The following SNTG1 variants were observed in gnomAD, a reference collection of about 807,000 sequenced individuals.
The protein encoded by SNTG1 is gamma-1-syntrophin.
In SNTG1, 39 loss-of-function variants were observed where a neutral mutation model predicts 74.7. That is an observed-to-expected ratio of 0.52 (90% CI 0.40 to 0.68). SNTG1 has a LOEUF of 0.68. SNTG1 is among the 30% of genes least tolerant of loss of function. The pLI is 0.00. For synonymous variants in SNTG1, 254 were observed against 217.1 expected (o/e 1.17, Z -1.49); for missense variants, 685 against 609.5 (o/e 1.12, Z -1.30).
In SNTG1 at chr8:50,054,453, G is replaced by C. The variant is rs544666834; in HGVS notation, c.-102-118108G>C. Among the ~76,000 whole-genome samples the C allele has an allele frequency of 7.2e-5, 11 of 151,956 alleles. No individual in the cohort carries two copies. The East Asian group carries it at 1.9e-3, about 27-fold the overall frequency. On this transcript the variant is annotated intron_variant, in intron 1 of 18. Coordinates refer to ENST00000642720, the MANE Select transcript of SNTG1 (RefSeq NM_018967.5). The stretch of plus-strand genomic sequence containing the variant: ...ATTACTTATCTCCTTATCTGTTACT[G>C]CTATCCTTGGCCAAGGTATCATCTT...
At chr8:50,161,565 A>T (rs1225613271) in intron 1 of SNTG1, among the ~76,000 whole-genome samples, 8 of 152,162 alleles carry the variant, frequency 5.3e-5, no homozygotes, top group African/African-American at 1.7e-4. Flanking sequence ...AGAGGACCTG[A>T]TAGTGTGTGG....
rs575450214 is a variant in SNTG1, at chr8:50,122,554, T to G, written c.-102-50007T>G. 2.1e-5 allele frequency among the ~76,000 whole-genome samples: 3 copies of G among 142,008 alleles called. 1 individual carries two copies. The South Asian group carries it at 8.0e-4, about 38-fold the overall frequency. 93.2% of individuals were successfully genotyped at this position (142,008 alleles called of 152,430 possible). On this transcript the variant is annotated intron_variant, in intron 1 of 18. Transcript: ENST00000642720. ...TTGAGGAGGAGGATGACATTGAGGC[T>G]CGTAGCTCATATTTTAGAAAGAGCA...
intron 2 of SNTG1, among the ~76,000 whole-genome samples, chr8:50,352,660 G>A (rs2091699093): frequency 6.6e-6 from 1 of 152,114 alleles, no homozygotes; most frequent in Non-Finnish European, 1.5e-5. Flanking sequence ...CAAAGTGCCA[G>A]GATTACAGGT....
intron 4 of SNTG1, among the ~76,000 whole-genome samples, chr8:50,427,721 C>A (rs1361433497): frequency 6.6e-6 from 1 of 152,156 alleles, no homozygotes; most frequent in Non-Finnish European, 1.5e-5. Context: ...GTCACTGCAC[C>A]CAGCCTCAAA....
intron 11 of SNTG1, 82 bp downstream of exon 11, chr8:50,536,890 C>T (rs542586078): frequency 5.1e-5 from 75 of 1,479,562 alleles, no homozygotes; most frequent in Middle Eastern, 1.8e-4. Flanking sequence ...TATCACAATA[C>T]GCCTTATGAT....
intron 9 of SNTG1, among the ~76,000 whole-genome samples, chr8:50,503,275 T>C (rs1471672194): frequency 6.6e-6 from 1 of 152,170 alleles, no homozygotes; most frequent in Non-Finnish European, 1.5e-5. Flanking sequence ...AAAAAAAGCG[T>C]TTGCCTTTGA....
At chr8:50,126,668 C>A (rs181838239) in intron 1 of SNTG1, among the ~76,000 whole-genome samples, 1 of 151,688 alleles carries the variant, frequency 6.6e-6, no homozygotes, top group Admixed American at 6.6e-5. Context: ...TAACACAGAT[C>A]CCAATGTTGG....
chr8:50,652,942 T>G (rs1563697072), intron 13 of SNTG1, among the ~76,000 whole-genome samples: 1 of 152,012 alleles, frequency 6.6e-6, no homozygotes, highest in African/African-American at 2.4e-5. Context: ...AGAAATAATG[T>G]TTGCCTTAGA....
At chr8:50,450,660 G>A (rs201603423) in intron 7 of SNTG1, 28 bp from the exon 8 acceptor site, 95 of 1,613,276 alleles carry the variant, frequency 5.9e-5, no homozygotes, top group Non-Finnish European at 7.5e-5. Flanking sequence ...ATATGCCATG[G>A]GAAACTATGC....
chr8:50,330,304 T>C (rs1048749524), intron 2 of SNTG1, among the ~76,000 whole-genome samples: 1 of 152,142 alleles, frequency 6.6e-6, no homozygotes, highest in African/African-American at 2.4e-5. Context: ...TGATTATACA[T>C]TTTCTGAGGC....
At chr8:50,380,376 A>G (rs1380777190) in intron 2 of SNTG1, among the ~76,000 whole-genome samples, 1 of 152,182 alleles carries the variant, frequency 6.6e-6, no homozygotes, top group Non-Finnish European at 1.5e-5. Flanking sequence ...ACTGGGTTTC[A>G]GTTTGGGACA....
chr8:50,608,776 A>G (rs1208081077), intron 13 of SNTG1, among the ~76,000 whole-genome samples: 2 of 151,714 alleles, frequency 1.3e-5, no homozygotes, highest in South Asian at 2.1e-4. Flanking sequence ...TGTCTTTTTA[A>G]TTTTCTATTT....
chr8:50,356,840 G>A (rs2091829474), intron 2 of SNTG1, among the ~76,000 whole-genome samples: 1 of 152,128 alleles, frequency 6.6e-6, no homozygotes, highest in African/African-American at 2.4e-5. Context: ...TCTTCATAAT[G>A]TAGAAATAAC....
intron 13 of SNTG1, among the ~76,000 whole-genome samples, chr8:50,645,505 A>G (rs2095103089): frequency 6.6e-6 from 1 of 151,964 alleles, no homozygotes; most frequent in South Asian, 2.1e-4. Context: ...TTGTATTCTT[A>G]TCTCCTTGTG....
At chr8:49,993,227 G>T (rs529422855) in intron 1 of SNTG1, among the ~76,000 whole-genome samples, 2 of 152,112 alleles carry the variant, frequency 1.3e-5, no homozygotes, top group African/African-American at 4.8e-5. Flanking sequence ...AGCCCAGAGT[G>T]AGGTCAGGGC....
intron 15 of SNTG1, among the ~76,000 whole-genome samples, chr8:50,685,606 T>TA (rs955278046): frequency 4.5e-4 from 69 of 152,182 alleles, no homozygotes; most frequent in Non-Finnish European, 2.8e-4. Flanking sequence ...ATAATTTCCA[T>TA]AAAAACATTT....
At chr8:50,596,018 T>G (rs2094724946) in intron 13 of SNTG1, among the ~76,000 whole-genome samples, 1 of 152,028 alleles carries the variant, frequency 6.6e-6, no homozygotes, top group African/African-American at 2.4e-5. Flanking sequence ...ATATTATGGT[T>G]GTGTATTTTG....
intron 2 of SNTG1, among the ~76,000 whole-genome samples, chr8:50,326,923 T>A (rs760359404): frequency 5.3e-5 from 8 of 152,148 alleles, no homozygotes; most frequent in Non-Finnish European, 4.4e-5. Flanking sequence ...ATATTTTTAA[T>A]ATCTTTTGAT....
At chr8:50,679,503 C>T (rs943408621) in intron 15 of SNTG1, among the ~76,000 whole-genome samples, 1 of 152,134 alleles carries the variant, frequency 6.6e-6, no homozygotes, top group Non-Finnish European at 1.5e-5. Flanking sequence ...ACTTTGTAAG[C>T]ATTCAATACA....
Sources: allele counts gnomAD v4.1 joint callset (sites outside exome capture counted in the v4.1 genomes callset), GRCh38; gene constraint gnomAD v4.1.1; transcripts MANE v1.5; gene names NCBI Gene and HGNC (gene_info 2026-07-23, HGNC 2026-07-21).